ROBO1: variants seen among roughly 807,000 people sequenced by gnomAD.
ROBO1 encodes roundabout homolog 1.
Under a neutral mutation model 195.9 loss-of-function variants are expected in ROBO1, and 149 were observed. That is an observed-to-expected ratio of 0.76 (90% confidence interval 0.67 to 0.87). The LOEUF (loss-of-function observed/expected upper bound fraction) is 0.87, where lower values mean the gene tolerates loss of function less well. ROBO1 is among the 40% of genes least tolerant of loss of function. The probability of loss-of-function intolerance (pLI) is 0.00; values close to 1 mark genes in which losing one functional copy is unlikely to be tolerated. For missense variants in ROBO1, 1,933 were observed against 2,068.3 expected (o/e 0.93, Z 1.27); for synonymous variants, 816 against 733.2 (o/e 1.11, Z -1.82).
intron 1 of ROBO1, among the ~76,000 whole-genome samples, chr3:79,592,380 T>C (rs910842567): frequency 6.6e-6 from 1 of 152,012 alleles, no homozygotes; most frequent in Non-Finnish European, 1.5e-5. Context: ...TTTCATGATC[T>C]AGGACTAGTT....
intron 5 of ROBO1, among the ~76,000 whole-genome samples, chr3:78,743,557 G>A (rs542666473): frequency 1.3e-5 from 2 of 152,126 alleles, no homozygotes; most frequent in Admixed American, 6.6e-5. Flanking sequence ...TAAATAACAC[G>A]TAAGAACTGA....
chr3:79,353,717 T>C (rs1019410351), intron 2 of ROBO1, among the ~76,000 whole-genome samples: 3 of 152,172 alleles, frequency 2.0e-5, no homozygotes, highest in Non-Finnish European at 2.9e-5. Flanking sequence ...GTGTGGAGGA[T>C]GCACAAGAAG....
chr3:78,685,943 G>A (rs1410643025), intron 9 of ROBO1, 26 bp from the exon 10 acceptor site: 2 of 1,515,130 alleles, frequency 1.3e-6, no homozygotes, highest in African/African-American at 1.4e-5. Context: ...TGGGATGGAG[G>A]AAAATAAAAA....
chr3:79,412,909 T>TTTA (rs2037839454), intron 2 of ROBO1, among the ~76,000 whole-genome samples: 1 of 114,706 alleles, frequency 8.7e-6, no homozygotes, highest in Non-Finnish European at 1.8e-5. Context: ...TTTTTTTTTT[T>TTTA]AGTAAATAAG....
At chr3:79,393,645 A>T (rs1426170988) in intron 2 of ROBO1, among the ~76,000 whole-genome samples, 1 of 152,188 alleles carries the variant, frequency 6.6e-6, no homozygotes, top group African/African-American at 2.4e-5. Context: ...CTGCTAAGTC[A>T]TTCTTCACAA....
Position 79,323,145 on chromosome 3 carries a change from G to T in ROBO1, c.89-197606C>A, listed in dbSNP as rs577490106. ...CACCCAGGCTGGAGTGCAGTGGCAC[G>T]ATCGCAGCTCACTGCAACCTCTGCC... On this transcript the variant is annotated intron_variant, in intron 2 of 30. Transcript: ENST00000464233. Among the ~76,000 whole-genome samples the T allele has an allele frequency of 4.7e-3, 707 of 151,120 alleles. 12 individuals carry two copies. The highest frequency in any genetic ancestry group is 0.016 in the African/African-American group (672 of 41,106).
intron 3 of ROBO1, among the ~76,000 whole-genome samples, chr3:78,948,692 G>T (rs905260851): frequency 6.6e-6 from 1 of 152,114 alleles, no homozygotes; most frequent in East Asian, 1.9e-4. Flanking sequence ...AGGAAAAAAG[G>T]GTATTCAATT....
chr3:79,661,609 T>A (rs1946330481), intron 1 of ROBO1, among the ~76,000 whole-genome samples: 1 of 152,034 alleles, frequency 6.6e-6, no homozygotes. Context: ...TCTTTCTTTA[T>A]TCCTGCCTCC....
intron 2 of ROBO1, among the ~76,000 whole-genome samples, chr3:79,335,207 TTACTACATA>T (rs1448922584): frequency 6.6e-6 from 1 of 152,236 alleles, no homozygotes. Flanking sequence ...TAGTACAAAT[TTACTACATA>T]TACTACATAT....
intron 1 of ROBO1, among the ~76,000 whole-genome samples, chr3:79,716,531 A>G (rs1702493182): frequency 6.6e-6 from 1 of 151,976 alleles, no homozygotes; most frequent in Non-Finnish European, 1.5e-5. Flanking sequence ...AAACAATACT[A>G]TGATAATTTT....
intron 4 of ROBO1, among the ~76,000 whole-genome samples, chr3:78,787,128 C>A (rs943781993): frequency 7.2e-5 from 11 of 152,156 alleles, no homozygotes; most frequent in African/African-American, 2.4e-4. Flanking sequence ...AATTTGATTT[C>A]TGAGAATAAG....
intron 1 of ROBO1, among the ~76,000 whole-genome samples, chr3:79,748,917 T>C (rs1459350704): frequency 6.6e-6 from 1 of 152,106 alleles, no homozygotes; most frequent in East Asian, 1.9e-4. Context: ...AACAGACTAA[T>C]ACAGTAAATG....
At chr3:79,455,385 G>T (rs1241884073) in intron 2 of ROBO1, among the ~76,000 whole-genome samples, 1 of 151,918 alleles carries the variant, frequency 6.6e-6, no homozygotes, top group Non-Finnish European at 1.5e-5. Context: ...CAAGAAATTT[G>T]CCTTTTTTTA....
At chr3:79,117,594 G>A (rs2080030725) in intron 3 of ROBO1, among the ~76,000 whole-genome samples, 1 of 152,158 alleles carries the variant, frequency 6.6e-6, no homozygotes, top group South Asian at 2.1e-4. Flanking sequence ...AAGTTGTGTT[G>A]TCATGGAAAT....
intron 1 of ROBO1, among the ~76,000 whole-genome samples, chr3:79,707,865 C>T (rs1190604611): frequency 3.3e-5 from 5 of 152,118 alleles, no homozygotes; most frequent in Non-Finnish European, 7.4e-5. Flanking sequence ...CAGTAATTTA[C>T]ATAAAGAATC....
intron 4 of ROBO1, among the ~76,000 whole-genome samples, chr3:78,912,002 A>G (rs1478784964): frequency 1.3e-5 from 2 of 152,094 alleles, no homozygotes; most frequent in African/African-American, 4.8e-5. Context: ...AATTTAACAA[A>G]AATATTTTGA....
chr3:78,631,271 G>C lies in ROBO1; in HGVS notation c.3516C>G (p.Pro1172=). The part of the protein sequence containing the change: ...SQGHKKGART[P]KVPKQGGMNW... Reference sequence around the variant, plus strand: ...TCATGCCACCCTGTTTTGGTACCTTGGGTGTTCTTGCCCCTTTCTTGTGCC... The same window carrying C: ...TCATGCCACCCTGTTTTGGTACCTTCGGTGTTCTTGCCCCTTTCTTGTGCC... Residue 1172 remains proline (P), a synonymous_variant, in exon 25 of 31, where the codon CCC becomes CCG. Coordinates refer to ENST00000464233, the MANE Select transcript of ROBO1 (RefSeq NM_002941.4). 6.2e-7 allele frequency: 1 copy of C among 1,613,424 alleles called. No individual in the cohort carries two copies.
chr3:79,015,832 C>T (rs1405488420), intron 3 of ROBO1, among the ~76,000 whole-genome samples: 1 of 152,072 alleles, frequency 6.6e-6, no homozygotes, highest in African/African-American at 2.4e-5. Context: ...CATCAACATA[C>T]CAAAATGGAG....
At chr3:78,716,687 C>T (rs761982162) in intron 7 of ROBO1, among the ~76,000 whole-genome samples, 1 of 152,156 alleles carries the variant, frequency 6.6e-6, no homozygotes, top group Non-Finnish European at 1.5e-5. Context: ...AACACCTAGA[C>T]AGAAGGCTCA....
Sources: allele counts gnomAD v4.1 joint callset (sites outside exome capture counted in the v4.1 genomes callset), GRCh38; gene constraint gnomAD v4.1.1; transcripts MANE v1.5; gene names NCBI Gene and HGNC (gene_info 2026-07-23, HGNC 2026-07-21).